Variants in DLG2 observed in about 807,000 individuals in gnomAD.
DLG2 encodes the protein disks large homolog 2.
In DLG2, 45 loss-of-function variants were observed where a neutral mutation model predicts 132.5. That is an observed-to-expected ratio of 0.34 (90% confidence interval 0.27 to 0.44). The LOEUF is 0.44. DLG2 is among the 20% of genes least tolerant of loss of function. The probability of loss-of-function intolerance (pLI) is 1.00; values close to 1 mark genes in which losing one functional copy is unlikely to be tolerated. For missense variants in DLG2, 1,045 were observed against 1,196.9 expected, an observed-to-expected ratio of 0.87 and a Z score of 1.87; for synonymous variants, 424 against 419.6, an observed-to-expected ratio of 1.01 and a Z score of -0.13.
chr11:84,331,361 A>G (rs913025012), intron 7 of DLG2, among the ~76,000 whole-genome samples: 1 of 151,948 alleles, frequency 6.6e-6, no homozygotes. Flanking sequence ...TGCAGCTATT[A>G]AATAGCAAAG....
At chr11:85,584,272 T>C (rs1458906885) in intron 3 of DLG2, among the ~76,000 whole-genome samples, 1 of 152,146 alleles carries the variant, frequency 6.6e-6, no homozygotes, top group Non-Finnish European at 1.5e-5. Context: ...AATAATGGTC[T>C]CCAACCCCAT....
chr11:85,472,148 C>G (rs963896515), intron 3 of DLG2, among the ~76,000 whole-genome samples: 1 of 152,148 alleles, frequency 6.6e-6, no homozygotes. Flanking sequence ...TTTAGCCAAT[C>G]AAGTGATGCT....
Position 84,390,362 on chromosome 11 carries a change from G to C in DLG2, c.520-139071C>G, listed in dbSNP as rs551666229. ...GTAGGAAGGGGCTATAAAATGTAAT[G>C]ACTACCACCATTTGTTGAGTACCGA... is the stretch of plus-strand genomic sequence containing the variant. On this transcript the variant is annotated intron_variant, in intron 7 of 27. Coordinates refer to ENST00000376104, the MANE Select transcript of DLG2 (RefSeq NM_001142699.3). Among the ~76,000 whole-genome samples the C allele has an allele frequency of 2.4e-3, 372 of 152,260 alleles. 2 individuals carry two copies. The highest frequency in any genetic ancestry group is 4.3e-3 in the Non-Finnish European group (290 of 68,014).
intron 6 of DLG2, among the ~76,000 whole-genome samples, chr11:84,998,808 C>A (rs2057936279): frequency 6.6e-6 from 1 of 151,966 alleles, no homozygotes; most frequent in South Asian, 2.1e-4. Context: ...GAACTTTTGG[C>A]CTCAAGTATC....
At chr11:85,076,583 CA>C (rs34307625) in intron 6 of DLG2, among the ~76,000 whole-genome samples, 2,099 of 152,098 alleles carry the variant, frequency 0.014, 47 homozygotes, top group African/African-American at 0.047. Flanking sequence ...CATCAGCTTC[CA>C]AATGTGGTCC....
rs184733831 is a variant in DLG2 at position 83,719,740 on chromosome 11, G to A, written c.1825+66950C>T. Among the ~76,000 whole-genome samples, 841 of 152,262 alleles carry A rather than the reference G, an allele frequency of 5.5e-3. 8 individuals are homozygous for A. Among genetic ancestry groups the A allele is most frequent in the Non-Finnish European group, 5.8e-3 (395 of 68,014 alleles). On this transcript the variant is annotated intron_variant, in intron 18 of 27. Coordinates refer to ENST00000376104, the MANE Select transcript of DLG2 (RefSeq NM_001142699.3). Reference sequence around the variant, plus strand: ...TCTAACAGTGGGAGAAAATTACAACGAGAAGTTTGGCGGGCAAAAATATCA... The same window carrying A: ...TCTAACAGTGGGAGAAAATTACAACAAGAAGTTTGGCGGGCAAAAATATCA...
chr11:84,792,791 T>C (rs1212385985), intron 6 of DLG2, among the ~76,000 whole-genome samples: 2 of 152,256 alleles, frequency 1.3e-5, no homozygotes, highest in East Asian at 3.9e-4. Flanking sequence ...TCTGATTTTA[T>C]TTATTTGGGT....
chr11:84,405,666 A>G lies in DLG2; in HGVS notation c.519+128904T>C, dbSNP rs566650039. Among the ~76,000 whole-genome samples the G allele has an allele frequency of 2.0e-5, 3 of 152,310 alleles. No homozygotes were observed. The South Asian group carries it at 6.2e-4, about 32-fold the overall frequency. ...TACATTCTAGTGGAAAGAGACAGACAATAAAAAGATGAATGAAATATGTGA... is the reference window on the plus strand; with the variant it reads ...TACATTCTAGTGGAAAGAGACAGACGATAAAAAGATGAATGAAATATGTGA... On this transcript the variant is annotated intron_variant, in intron 7 of 27. Coordinates refer to ENST00000376104, the MANE Select transcript of DLG2 (RefSeq NM_001142699.3).
chr11:83,743,429 A>ATTTTTTTTTTTTTTTTTTT (rs35572754), intron 18 of DLG2, among the ~76,000 whole-genome samples: 1 of 103,836 alleles, frequency 9.6e-6, no homozygotes, highest in Admixed American at 9.8e-5. Context: ...TGGGCAGGCC[A>ATTTTTTTTTTTTTTTTTTT]TTTTTTTTTT....
chr11:83,560,472 G>A (rs960746472), intron 19 of DLG2, among the ~76,000 whole-genome samples: 1 of 150,686 alleles, frequency 6.6e-6, no homozygotes, highest in Non-Finnish European at 1.5e-5. Flanking sequence ...ATGGAGAGTT[G>A]AGAGTCAAAG....
chr11:85,104,525 T>C (rs546318284), intron 6 of DLG2, among the ~76,000 whole-genome samples: 1 of 151,786 alleles, frequency 6.6e-6, no homozygotes, highest in African/African-American at 2.4e-5. Context: ...AAACAGAAAG[T>C]AGATTAGTGG....
rs183178572 is a variant in DLG2 at position 83,688,098 on chromosome 11, G to T, written c.1826-54773C>A. ...GCTGTGCTCTCAATCAACTGTAGAG[G>T]TCCCTGCTCATAAACAAAGTGTCCA... On this transcript the variant is annotated intron_variant, in intron 18 of 27. Coordinates refer to ENST00000376104, the MANE Select transcript of DLG2 (RefSeq NM_001142699.3). Among the ~76,000 whole-genome samples the T allele has an allele frequency of 2.0e-5, 3 of 152,096 alleles. No individual in the cohort carries two copies. The East Asian group carries it at 5.8e-4, about 29-fold the overall frequency.
intron 15 of DLG2, among the ~76,000 whole-genome samples, chr11:83,899,742 T>C (rs1275919517): frequency 6.6e-6 from 1 of 152,220 alleles, no homozygotes. Flanking sequence ...TTTCTTAGTC[T>C]CTTGTATGTC....
chr11:84,809,506 C>CA (rs1566022598), intron 6 of DLG2, among the ~76,000 whole-genome samples: 3 of 150,550 alleles, frequency 2.0e-5, no homozygotes, highest in South Asian at 2.1e-4. Context: ...TGATCATCTA[C>CA]AAAAAAAGAA....
At chr11:84,000,833 A>T (rs2094308543) in intron 11 of DLG2, among the ~76,000 whole-genome samples, 1 of 152,142 alleles carries the variant, frequency 6.6e-6, no homozygotes, top group African/African-American at 2.4e-5. Context: ...ACACCACTAG[A>T]CCAGCTCTAT....
chr11:84,647,366 T>C (rs1434848332), intron 6 of DLG2, among the ~76,000 whole-genome samples: 2 of 152,098 alleles, frequency 1.3e-5, no homozygotes, highest in African/African-American at 4.8e-5. Flanking sequence ...ATAAAACAAC[T>C]GATAATTAAT....
intron 17 of DLG2, among the ~76,000 whole-genome samples, chr11:83,807,097 C>A (rs1037570937): frequency 6.6e-6 from 1 of 152,120 alleles, no homozygotes; most frequent in African/African-American, 2.4e-5. Flanking sequence ...GCAACAGAAT[C>A]ATTTCAAAAC....
At chr11:85,008,436 G>A (rs2058883006) in intron 6 of DLG2, among the ~76,000 whole-genome samples, 1 of 152,110 alleles carries the variant, frequency 6.6e-6, no homozygotes, top group South Asian at 2.1e-4. Context: ...AATTTTACAG[G>A]GTTCCTTGTA....
chr11:84,449,640 C>T (rs569746126), intron 7 of DLG2, among the ~76,000 whole-genome samples: 56 of 151,844 alleles, frequency 3.7e-4, no homozygotes, highest in African/African-American at 1.3e-3. Context: ...CATGCATTTC[C>T]TTAGTATTGG....
Sources: gnomAD v4.1 joint callset for allele counts (sites outside exome capture counted in the v4.1 genomes callset) on GRCh38, gnomAD v4.1.1 for gene constraint, MANE v1.5 for transcripts, NCBI Gene and HGNC (gene_info 2026-07-23, HGNC 2026-07-21) for gene names.